GLYATL2: variants seen among roughly 807,000 people sequenced by gnomAD.
The protein encoded by GLYATL2 is glycine-N-acyltransferase like 2, also known as glycine N-acyltransferase-like protein 2.
GLYATL2 carries 25 observed loss-of-function variants against 21.4 expected under a neutral mutation model. The ratio of observed to expected loss-of-function variants is 1.17; its 90% CI spans 0.85 to 1.63. GLYATL2 has a LOEUF of 1.63. GLYATL2 is among the 40% of genes most tolerant of loss of function. The pLI is 0.00. For missense variants in GLYATL2, 361 were observed against 343.3 expected, an observed-to-expected ratio of 1.05 and a Z score of -0.41; for synonymous variants, 114 against 118.2, an observed-to-expected ratio of 0.96 and a Z score of 0.23.
At chr11:58,836,358 A>G (rs904655704) in intron 5 of GLYATL2, among the ~76,000 whole-genome samples, 3 of 152,134 alleles carry the variant, frequency 2.0e-5, no homozygotes, top group Non-Finnish European at 4.4e-5. Flanking sequence ...CCATTTCCCC[A>G]TTACTGGATG....
intron 1 of GLYATL2, among the ~76,000 whole-genome samples, chr11:58,880,652 A>G (rs552373433): frequency 6.6e-6 from 1 of 152,326 alleles, no homozygotes; most frequent in Non-Finnish European, 1.5e-5. Flanking sequence ...AAAAAAGACC[A>G]GGTTTTTTGT....
At chr11:58,854,763 C>T (rs1005024329) in intron 1 of GLYATL2, among the ~76,000 whole-genome samples, 22 of 152,184 alleles carry the variant, frequency 1.4e-4, no homozygotes, top group African/African-American at 5.1e-4. Context: ...CCCTTTCAAC[C>T]CTCGCTACAG....
At chr11:58,903,128 T>G (rs890941924) in intron 1 of GLYATL2, among the ~76,000 whole-genome samples, 4 of 152,192 alleles carry the variant, frequency 2.6e-5, no homozygotes, top group Non-Finnish European at 5.9e-5. Flanking sequence ...ACTCCAATGA[T>G]GAGCAAATGA....
chr11:58,837,256 A>T lies in GLYATL2; in HGVS notation c.313+15T>A. ...ATAAACCATGGATCTTTTTCTTTTA[A>T]CTCAGACTAGTTACCTTGGATCTGC... On this transcript the variant is annotated intron_variant, in intron 4 of 5. Coordinates refer to ENST00000287275, the MANE Select transcript of GLYATL2 (RefSeq NM_145016.4). 1 of 1,613,454 alleles carries T rather than the reference A, an allele frequency of 6.2e-7. No homozygotes were observed. The highest frequency in any genetic ancestry group is 8.5e-7 in the Non-Finnish European group (1 of 1,179,734).
chr11:58,859,186 C>T lies in GLYATL2; in HGVS notation n.61-20818G>A, dbSNP rs1853886924. Among the ~76,000 whole-genome samples the T allele has an allele frequency of 2.0e-5, 3 of 152,108 alleles. No homozygotes were observed. The South Asian group carries it at 6.2e-4, about 32-fold the overall frequency. On this transcript the variant is annotated intron_variant and non_coding_transcript_variant, in intron 1 of 4. Transcript: ENST00000533636. Reference sequence around the variant, plus strand: ...CTATTTCCTAGTTCAACTTGAGTCCCTCTCTCCTCTGCTAGCCTACCCCCA... The same window carrying T: ...CTATTTCCTAGTTCAACTTGAGTCCTTCTCTCCTCTGCTAGCCTACCCCCA...
intron 1 of GLYATL2, among the ~76,000 whole-genome samples, chr11:58,896,730 G>GTTTGC (rs1554980944): frequency 1.1e-4 from 16 of 151,826 alleles, no homozygotes; most frequent in African/African-American, 3.9e-4. Context: ...ACTTAAACGT[G>GTTTGC]TTTGTTTTGT....
intron 1 of GLYATL2, among the ~76,000 whole-genome samples, chr11:58,901,926 C>CA (rs1270684925): frequency 6.6e-6 from 1 of 152,168 alleles, no homozygotes; most frequent in African/African-American, 2.4e-5. Flanking sequence ...ATGTTGGTCC[C>CA]AAACCATGTA....
chr11:58,841,899 G>A (rs1325158220), intron 1 of GLYATL2, among the ~76,000 whole-genome samples: 2 of 152,106 alleles, frequency 1.3e-5, no homozygotes, highest in Non-Finnish European at 2.9e-5. Flanking sequence ...TAAGAGATGT[G>A]GAATGAAACG....
chr11:58,854,026 G>T (rs966396607), intron 1 of GLYATL2, among the ~76,000 whole-genome samples: 17 of 152,212 alleles, frequency 1.1e-4, no homozygotes, highest in African/African-American at 3.9e-4. Context: ...AACTTTTTCA[G>T]ATTTCACATA....
chr11:58,861,506 T>C (rs575230837), intron 1 of GLYATL2, among the ~76,000 whole-genome samples: 2 of 152,078 alleles, frequency 1.3e-5, no homozygotes, highest in South Asian at 4.1e-4. Context: ...CTTCTTTATC[T>C]TTTCAAAAGA....
At chr11:58,871,857 A>C (rs552952451) in intron 1 of GLYATL2, among the ~76,000 whole-genome samples, 15 of 152,224 alleles carry the variant, frequency 9.9e-5, no homozygotes, top group Non-Finnish European at 2.2e-4. Context: ...AGGAATTGCC[A>C]CACTGTCTTC....
intron 1 of GLYATL2, among the ~76,000 whole-genome samples, chr11:58,863,084 G>T (rs749292964): frequency 3.4e-4 from 52 of 151,936 alleles, no homozygotes; most frequent in Non-Finnish European, 6.5e-4. Flanking sequence ...TTGGTTCCTG[G>T]GTCTGTAGAG....
At chr11:58,863,457 C>A (rs891794243) in intron 1 of GLYATL2, among the ~76,000 whole-genome samples, 1 of 152,164 alleles carries the variant, frequency 6.6e-6, no homozygotes, top group Non-Finnish European at 1.5e-5. Flanking sequence ...GAGCCTTCAT[C>A]CATGATGGCC....
chr11:58,843,430 A>T (rs1853588157), intron 1 of GLYATL2, among the ~76,000 whole-genome samples: 1 of 152,220 alleles, frequency 6.6e-6, no homozygotes, highest in African/African-American at 2.4e-5. Context: ...GGACACTATG[A>T]TTTGGAAGTG....
intron 1 of GLYATL2, among the ~76,000 whole-genome samples, chr11:58,861,452 C>A (rs140985559): frequency 1.1e-3 from 172 of 151,630 alleles, no homozygotes; most frequent in African/African-American, 4.0e-3. Flanking sequence ...TTATTTTTAT[C>A]TTTTTTTCTT....
intron 1 of GLYATL2, among the ~76,000 whole-genome samples, chr11:58,867,387 TGA>T (rs201279761): frequency 0.01 from 1,497 of 149,104 alleles, 116 homozygotes; most frequent in Middle Eastern, 0.017. Flanking sequence ...CCATTCTGTC[TGA>T]GTTTCTGTAC....
At chr11:58,857,532 C>T (rs1175609777) in intron 1 of GLYATL2, among the ~76,000 whole-genome samples, 2 of 152,102 alleles carry the variant, frequency 1.3e-5, no homozygotes, top group Non-Finnish European at 2.9e-5. Context: ...GCTTGCAGAG[C>T]CCAGAGCGGG....
intron 1 of GLYATL2, among the ~76,000 whole-genome samples, chr11:58,868,977 G>C (rs374423589): frequency 2.2e-5 from 3 of 136,108 alleles, no homozygotes; most frequent in African/African-American, 5.0e-5. Flanking sequence ...TTGGGGAGTT[G>C]TTCGTCATTT....
chr11:58,882,038 CAT>C (rs1854345646), intron 1 of GLYATL2, among the ~76,000 whole-genome samples: 1 of 152,192 alleles, frequency 6.6e-6, no homozygotes, highest in Non-Finnish European at 1.5e-5. Flanking sequence ...CCTCAATAAA[CAT>C]ATGTGTGCAT....
Sources: allele counts gnomAD v4.1 joint callset (sites outside exome capture counted in the v4.1 genomes callset), GRCh38; gene constraint gnomAD v4.1.1; transcripts MANE v1.5; gene names NCBI Gene and HGNC (gene_info 2026-07-23, HGNC 2026-07-21).